EFHB: variants seen among roughly 807,000 people sequenced by gnomAD.
EFHB encodes the protein EF-hand domain family member B.
In EFHB, 91 loss-of-function variants were observed where a neutral mutation model predicts 87.2. The observed-to-expected ratio is 1.04, with a 90% CI of 0.88 to 1.24. The LOEUF (loss-of-function observed/expected upper bound fraction) is 1.24, where lower values mean the gene tolerates loss of function less well. EFHB is among the 50% of genes most tolerant of loss of function. The probability of loss-of-function intolerance (pLI) is 0.00; values close to 1 mark genes in which losing one functional copy is unlikely to be tolerated. For synonymous variants in EFHB, 325 were observed against 333.6 expected, an observed-to-expected ratio of 0.97 and a Z score of 0.28; for missense variants, 1,084 against 998.8, an observed-to-expected ratio of 1.09 and a Z score of -1.15.
rs201954610 is a variant in EFHB, at chr3:19,933,392, C to T, written c.627G>A (p.Glu209=). 1.3e-5 allele frequency: 21 copies of T among 1,613,990 alleles called. No individual in the cohort carries two copies. The African/African-American group carries it at 2.5e-4, about 19-fold the overall frequency. Reference sequence around the variant, plus strand: ...GTTCTATCACCAAGCCCATTTGGGGCTCTGTATTCTTAGTCTCATCTGGCC... The same window carrying T: ...GTTCTATCACCAAGCCCATTTGGGGTTCTGTATTCTTAGTCTCATCTGGCC... ...AEGPDETKNT[E]PQMGLVIEPP... The change falls in exon 1 of 13, where the codon GAG becomes GAA. Residue 209 remains glutamate (E), a synonymous_variant. Coordinates refer to ENST00000295824, the MANE Select transcript of EFHB (RefSeq NM_144715.4).
chr3:19,944,703 A>T (rs1362801051), intron 1 of EFHB, among the ~76,000 whole-genome samples: 1 of 152,262 alleles, frequency 6.6e-6, no homozygotes, highest in Non-Finnish European at 1.5e-5. Context: ...GAACGAGTGA[A>T]GAAGCAACAT....
chr3:19,881,283 T>C (rs747877892), intron 12 of EFHB, among the ~76,000 whole-genome samples: 3 of 152,206 alleles, frequency 2.0e-5, no homozygotes, highest in Non-Finnish European at 4.4e-5. Context: ...TCCCCACTCC[T>C]TGGAGGCTTT....
intron 3 of EFHB, among the ~76,000 whole-genome samples, chr3:19,919,127 C>T (rs542922588): frequency 6.6e-6 from 1 of 152,176 alleles, no homozygotes; most frequent in Non-Finnish European, 1.5e-5. Context: ...ATTTTGACTC[C>T]ACCTCTACTC....
chr3:19,915,360 T>G lies in EFHB; in HGVS notation c.1231A>C (p.Lys411Gln). 6.2e-7 allele frequency: 1 copy of G among 1,613,362 alleles called. No individual in the cohort carries two copies. The highest frequency in any genetic ancestry group is 1.1e-5 in the South Asian group (1 of 90,978). ...NPPKSYEEVFKEGNEGHDLYV... is the reference protein window; with the variant it reads ...NPPKSYEEVFQEGNEGHDLYV... ...AAATCATGTCCTTCATTTCCTTCTT[T>G]AAATACTTCTTCATAGGATTTTGGT... Residue 411 changes from lysine to glutamine, a missense_variant, in exon 5 of 13, where the codon AAA (lysine) becomes CAA (glutamine). Transcript: ENST00000295824.
chr3:19,922,193 G>A (rs1444104144), intron 1 of EFHB, among the ~76,000 whole-genome samples: 1 of 151,998 alleles, frequency 6.6e-6, no homozygotes, highest in African/African-American at 2.4e-5. Context: ...ATTATGAAGG[G>A]AATCAGAATA....
At chr3:19,934,419 TCTC>T (rs1695957959), upstream of EFHB, among the ~76,000 whole-genome samples, 1 of 114,366 alleles carries the variant, frequency 8.7e-6, no homozygotes, top group Non-Finnish European at 1.8e-5. Flanking sequence ...TCTCTCTCCC[TCTC>T]CTCTCCTTTG....
In EFHB at chr3:19,920,487, T is replaced by C. The variant is rs1695400482; in HGVS notation, c.852+18A>G. The C allele has an allele frequency of 6.3e-7, 1 of 1,585,576 alleles. No homozygotes were observed. The highest frequency in any genetic ancestry group is 8.6e-7 in the Non-Finnish European group (1 of 1,165,448). Reference sequence around the variant, plus strand: ...GAAGGTAAAAATAGAAATATAAAGGTATATTGAAAGTGCTCACCCTGGGAA... The same window carrying C: ...GAAGGTAAAAATAGAAATATAAAGGCATATTGAAAGTGCTCACCCTGGGAA... On this transcript the variant is annotated intron_variant, in intron 2 of 12. Coordinates refer to ENST00000295824, the MANE Select transcript of EFHB (RefSeq NM_144715.4).
chr3:19,919,469 AG>A (rs879599573), intron 3 of EFHB, among the ~76,000 whole-genome samples: 3 of 151,736 alleles, frequency 2.0e-5, no homozygotes, highest in Non-Finnish European at 4.4e-5. Flanking sequence ...AGCCTCCCAA[AG>A]TGCTGGGATT....
At chr3:19,926,345 TGTTTTTTGGGGTTTTTA>T (rs1362667924) in intron 1 of EFHB, among the ~76,000 whole-genome samples, 5 of 148,990 alleles carry the variant, frequency 3.4e-5, no homozygotes, top group Admixed American at 3.3e-4. Flanking sequence ...GGGTTTTTTT[TGTTTTTTGGGGTTTTTA>T]AAATTTATTT....
intron 9 of EFHB, 50 bp from the exon 10 acceptor site, chr3:19,888,701 C>T (rs1294693086): frequency 2.1e-6 from 3 of 1,396,540 alleles, no homozygotes; most frequent in Admixed American, 2.1e-5. Context: ...TCTTCAAGAG[C>T]AGAGTAGGCA....
In EFHB at chr3:19,879,618, A is replaced by C; in HGVS notation, c.*13T>G. 6.5e-7 allele frequency: 1 copy of C among 1,539,146 alleles called. No individual in the cohort carries two copies. The highest frequency in any genetic ancestry group is 1.7e-4 in the Middle Eastern group (1 of 5,782). On this transcript the variant is annotated 3_prime_UTR_variant, in exon 13 of 13. Transcript: ENST00000295824. ...AATAATTCTTTTGCTTGAATGAATGAAGTCCAAAAATATCACATGAGTGTT... is the reference window on the plus strand; with the variant it reads ...AATAATTCTTTTGCTTGAATGAATGCAGTCCAAAAATATCACATGAGTGTT...
At chr3:19,904,191 C>A (rs954650825) in intron 6 of EFHB, among the ~76,000 whole-genome samples, 1 of 152,118 alleles carries the variant, frequency 6.6e-6, no homozygotes, top group Non-Finnish European at 1.5e-5. Context: ...CTATCATTGA[C>A]AAATATGAAT....
intron 1 of EFHB, chr3:19,942,826 G>C (rs1376449608): frequency 6.4e-6 from 1 of 155,232 alleles, no homozygotes; most frequent in Non-Finnish European, 1.4e-5. Context: ...AGCTCAGGTG[G>C]TAATGTGAAT....
intron 5 of EFHB, among the ~76,000 whole-genome samples, chr3:19,911,379 T>C (rs578039055): frequency 1.1e-3 from 161 of 151,994 alleles, no homozygotes; most frequent in South Asian, 1.7e-3. Context: ...CTGGCCAACA[T>C]GGTGAAACCC....
At chr3:19,906,914 T>C (rs1257083418) in intron 5 of EFHB, among the ~76,000 whole-genome samples, 5 of 151,582 alleles carry the variant, frequency 3.3e-5, no homozygotes, top group Non-Finnish European at 5.9e-5. Context: ...TCCAAACATA[T>C]ACAATACACT....
Position 19,919,964 on chromosome 3 carries a change from G to A in EFHB, c.865C>T (p.Pro289Ser). 1 of 1,613,526 alleles carries A rather than the reference G, an allele frequency of 6.2e-7. No individual in the cohort carries two copies. The highest frequency in any genetic ancestry group is 8.5e-7 in the Non-Finnish European group (1 of 1,179,728). Reference sequence around the variant, plus strand: ...AAGTTGAAATACTTTTTTGCTTCAGGTGGAGTAATTAGCTACAAAGAGTGA... The same window carrying A: ...AAGTTGAAATACTTTTTTGCTTCAGATGGAGTAATTAGCTACAAAGAGTGA... Reference protein sequence around the residue: ...TEKLPRLITPPEAKKYFNFRY... With the variant: ...TEKLPRLITPSEAKKYFNFRY... Residue 289 changes from proline to serine, a missense_variant, in exon 3 of 13, where the codon CCT (proline) becomes TCT (serine). Pro to Ser is a moderately conservative substitution (Grantham distance 74). Transcript: ENST00000295824.
In EFHB at chr3:19,933,653, A is replaced by G; in HGVS notation, c.366T>C (p.His122=). ...CCAAAGGAGGCTGTATTATCCGTTC[A>G]TGGGTATATCCTGCAAGAAGACTCT... The part of the protein sequence containing the change: ...ENESLLAGYT[H]ERIIQPPLGR... The change falls in exon 1 of 13, where the codon CAT becomes CAC. Residue 122 remains histidine, a synonymous_variant. Transcript: ENST00000295824. The G allele has an allele frequency of 6.2e-7, 1 of 1,614,004 alleles. No individual in the cohort carries two copies.
chr3:19,905,471 C>T (rs1214712772), intron 6 of EFHB, 149 bp downstream of exon 6: 3 of 863,432 alleles, frequency 3.5e-6, no homozygotes, highest in East Asian at 2.5e-5. Context: ...AAGTGAAATA[C>T]ATTACACTGT....
At chr3:19,885,176 C>A (rs532992486) in intron 10 of EFHB, among the ~76,000 whole-genome samples, 1 of 150,760 alleles carries the variant, frequency 6.6e-6, no homozygotes, top group African/African-American at 2.4e-5. Context: ...GAGCCGAGAT[C>A]GCGCCATTGC....
Sources: allele counts gnomAD v4.1 joint callset (sites outside exome capture counted in the v4.1 genomes callset), GRCh38; gene constraint gnomAD v4.1.1; transcripts MANE v1.5; gene names NCBI Gene and HGNC (gene_info 2026-07-23, HGNC 2026-07-21).